ACTR3: variants seen among roughly 807,000 people sequenced by gnomAD.
The protein encoded by ACTR3 is actin related protein 3, also known as actin-related protein 3.
ACTR3 carries 12 observed loss-of-function variants against 56.8 expected under a neutral mutation model. The ratio of observed to expected loss-of-function variants is 0.21; its 90% CI spans 0.14 to 0.34. ACTR3 has a LOEUF of 0.34. ACTR3 is among the 10% of genes least tolerant of loss of function. The pLI is 1.00. For missense variants in ACTR3, 282 were observed against 512.5 expected (o/e 0.55, Z 4.34); for synonymous variants, 162 against 167.4 (o/e 0.97, Z 0.25).
intron 2 of ACTR3, among the ~76,000 whole-genome samples, 200 bp from the exon 3 acceptor site, chr2:113,916,684 C>G (rs1029531981): frequency 6.6e-6 from 1 of 152,044 alleles, no homozygotes; most frequent in African/African-American, 2.4e-5. Flanking sequence ...GAGGTCTTGT[C>G]TCTGAGTGGA....
chr2:113,948,730 T>C (rs1680065412), intron 8 of ACTR3, among the ~76,000 whole-genome samples: 1 of 152,118 alleles, frequency 6.6e-6, no homozygotes, highest in African/African-American at 2.4e-5. Context: ...CTAAAATAAT[T>C]ACCATTCATT....
chr2:113,893,256 CG>C (rs146738754), intron 1 of ACTR3, among the ~76,000 whole-genome samples: 11,129 of 150,982 alleles, frequency 0.074, 452 homozygotes, highest in African/African-American at 0.1. Flanking sequence ...TGGAAGGGAT[CG>C]TTTTTTAAAT....
At position 113,951,477 on chromosome 2, in the gene ACTR3, AGTTT is replaced by A; in HGVS notation, c.859_862del (p.Phe287LeufsTer13). 1 of 1,594,600 alleles carries A rather than the reference AGTTT, an allele frequency of 6.3e-7. No individual in the cohort carries two copies. Among genetic ancestry groups the A allele is most frequent in the Non-Finnish European group, 8.6e-7 (1 of 1,162,992 alleles). On this transcript the variant is annotated splice_acceptor_variant and coding_sequence_variant, in exon 9 of 12. Transcript: ENST00000263238. LOFTEE classifies it high-confidence loss of function. The stretch of plus-strand genomic sequence containing the variant: ...CTATTATATATCCAACTTATTTTTC[AGTTT>A]GCTAATCCAGACTTTACACAACCTA...
Position 113,931,288 on chromosome 2 carries a change from T to C in ACTR3, c.337-13T>C, listed in dbSNP as rs754780143. 6.8e-6 allele frequency: 10 copies of C among 1,460,220 alleles called. No individual in the cohort carries two copies. The highest frequency in any genetic ancestry group is 1.4e-5 in the African/African-American group (1 of 69,688). 90.5% of individuals were successfully genotyped at this position (1,460,220 alleles called of 1,614,324 possible). ...CTGATATTATCTATTTAAAATGTTATTTATTTCAATAGACTGAACCTCCAT... is the reference window on the plus strand; with the variant it reads ...CTGATATTATCTATTTAAAATGTTACTTATTTCAATAGACTGAACCTCCAT... On this transcript the variant is annotated splice_polypyrimidine_tract_variant and intron_variant, in intron 4 of 11. Coordinates refer to ENST00000263238, the MANE Select transcript of ACTR3 (RefSeq NM_005721.5).
At chr2:113,893,682 C>T (rs919148910) in intron 1 of ACTR3, among the ~76,000 whole-genome samples, 3 of 152,158 alleles carry the variant, frequency 2.0e-5, no homozygotes, top group Non-Finnish European at 4.4e-5. Context: ...CTTGTTATAT[C>T]GTAGCTTGGT....
Position 113,958,951 on chromosome 2 carries a change from A to G in ACTR3, c.*1496A>G, listed in dbSNP as rs1322136514. On this transcript the variant is annotated 3_prime_UTR_variant, in exon 12 of 12. Coordinates refer to ENST00000263238, the MANE Select transcript of ACTR3 (RefSeq NM_005721.5). ...GTTTTTGTTTAGAGTGGATCTGAAT[A>G]TTTAAAATCCTATAATAATTTTTGT... The G allele has an allele frequency of 3.3e-5, 5 of 152,036 alleles. No homozygotes were observed. In the East Asian group the frequency reaches 7.7e-4, roughly 23 times the overall value. 9.4% of individuals were successfully genotyped at this position (152,036 alleles called of 1,614,324 possible). A position where few individuals can be genotyped will look rare whatever the true frequency, so the allele number is the denominator to read the frequency against.
intron 4 of ACTR3, among the ~76,000 whole-genome samples, chr2:113,930,947 G>T (rs1244112576): frequency 6.6e-6 from 1 of 152,028 alleles, no homozygotes; most frequent in Non-Finnish European, 1.5e-5. Context: ...TTTTTCTGGA[G>T]GTTTGTCATT....
At position 113,947,427 on chromosome 2, in the gene ACTR3, G is replaced by A. The variant is rs147249444; in HGVS notation, c.859-4052G>A. ...AGCACTTTGGGAAGCCAAGGTGGGC[G>A]AATCACTCAAGCCCAGGAGTTTAAG... is the stretch of plus-strand genomic sequence containing the variant. On this transcript the variant is annotated intron_variant, in intron 8 of 11. Transcript: ENST00000263238. 1.3e-3 allele frequency among the ~76,000 whole-genome samples: 202 copies of A among 152,282 alleles called. 1 individual carries two copies. Among genetic ancestry groups the A allele is most frequent in the African/African-American group, 4.6e-3 (193 of 41,550 alleles).
At position 113,914,188 on chromosome 2, in the gene ACTR3, T is replaced by G. The variant is rs145555166; in HGVS notation, c.100+961T>G. Among the ~76,000 whole-genome samples, 921 of 134,332 alleles carry G rather than the reference T, an allele frequency of 6.9e-3. 7 individuals carry two copies. The highest frequency in any genetic ancestry group is 0.033 in the African/African-American group (865 of 26,442). The allele number at this position is 134,332 out of a possible 152,430, so 88.1% of individuals were successfully genotyped here. On this transcript the variant is annotated intron_variant, in intron 2 of 11. Transcript: ENST00000263238. ...AGTGTATGTTTCAGAATCAATGAAG[T>G]TGAGAATAAGATGTTAGGCTTTGCC...
chr2:113,952,735 A>G (rs1053611544), intron 10 of ACTR3: 1 of 152,120 alleles, frequency 6.6e-6, no homozygotes, highest in East Asian at 1.9e-4. Context: ...GGAAGGCAAA[A>G]TATTGAACTC....
intron 2 of ACTR3, among the ~76,000 whole-genome samples, chr2:113,915,137 T>A (rs1009571150): frequency 6.6e-6 from 1 of 152,248 alleles, no homozygotes; most frequent in Non-Finnish European, 1.5e-5. Context: ...TACTTACTGG[T>A]TTCTTTAAGC....
intron 4 of ACTR3, 53 bp downstream of exon 4, chr2:113,927,508 G>T: frequency 8.7e-7 from 1 of 1,149,238 alleles, no homozygotes; most frequent in South Asian, 1.4e-5. Flanking sequence ...CACTTAATGA[G>T]AACATTTTCA....
intron 6 of ACTR3, among the ~76,000 whole-genome samples, chr2:113,935,011 CTT>C (rs1229011426): frequency 1.3e-5 from 2 of 151,416 alleles, no homozygotes; most frequent in East Asian, 1.9e-4. Flanking sequence ...ATGAATATCA[CTT>C]AAGGATTTAC....
At chr2:113,934,210 T>C (rs1679781098) in intron 5 of ACTR3, 69 bp from the exon 6 acceptor site, 4 of 1,051,830 alleles carry the variant, frequency 3.8e-6, no homozygotes, top group Non-Finnish European at 4.2e-6. Flanking sequence ...TTTTTTTTTT[T>C]CGATTAACTC....
At chr2:113,937,563 T>C (rs1679851900) in intron 6 of ACTR3, among the ~76,000 whole-genome samples, 1 of 152,264 alleles carries the variant, frequency 6.6e-6, no homozygotes, top group East Asian at 1.9e-4. Flanking sequence ...CTTTCAACTT[T>C]TGTACATCCT....
intron 3 of ACTR3, among the ~76,000 whole-genome samples, chr2:113,923,399 G>A (rs1411638506): frequency 6.6e-6 from 1 of 151,876 alleles, no homozygotes. Flanking sequence ...GTGCAGTGGC[G>A]CGATCTCAGC....
At chr2:113,902,599 GT>G (rs35712512) in intron 1 of ACTR3, among the ~76,000 whole-genome samples, 20 of 146,676 alleles carry the variant, frequency 1.4e-4, no homozygotes, top group South Asian at 2.2e-4. Context: ...TTTTGGTTTA[GT>G]TTTTTTTTTT....
chr2:113,939,809 G>A, intron 6 of ACTR3, 150 bp from the exon 7 acceptor site: 1 of 551,676 alleles, frequency 1.8e-6, no homozygotes. Flanking sequence ...TATAGTTTCT[G>A]AGGAATAAAG....
intron 8 of ACTR3, among the ~76,000 whole-genome samples, chr2:113,943,802 A>G (rs2046545): frequency 0.089 from 13,524 of 152,244 alleles, 644 homozygotes; most frequent in East Asian, 0.18. Context: ...AGTTTATTAT[A>G]TGCATCTTTT....
Sources: allele counts gnomAD v4.1 joint callset (sites outside exome capture counted in the v4.1 genomes callset), GRCh38; gene constraint gnomAD v4.1.1; transcripts MANE v1.5; gene names NCBI Gene and HGNC (gene_info 2026-07-23, HGNC 2026-07-21).